The following LPIN1 variants were observed in gnomAD, a reference collection of about 807,000 sequenced individuals.
The protein encoded by LPIN1 is lipin 1.
In LPIN1, 71 loss-of-function variants were observed where a neutral mutation model predicts 107.5. That is an observed-to-expected ratio of 0.66 (90% CI 0.55 to 0.80). The LOEUF is 0.80. Among genes scored for constraint, LPIN1 ranks in the 30% least tolerant of loss-of-function variants. LPIN1 has a pLI of 0.00. For missense variants in LPIN1, 1,043 were observed against 1,160.6 expected, an observed-to-expected ratio of 0.90 and a Z score of 1.47; for synonymous variants, 445 against 452.6, an observed-to-expected ratio of 0.98 and a Z score of 0.21.
At chr2:11,691,371 T>C (rs1662264180) in intron 1 of LPIN1, among the ~76,000 whole-genome samples, 1 of 152,184 alleles carries the variant, frequency 6.6e-6, no homozygotes, top group South Asian at 2.1e-4. Flanking sequence ...CCCTAAGCAG[T>C]AGGGCTGCAG....
At chr2:11,815,297 C>G in intron 18 of LPIN1, 57 bp downstream of exon 18, 1 of 1,600,042 alleles carries the variant, frequency 6.2e-7, no homozygotes, top group Admixed American at 1.7e-5. Flanking sequence ...CCGCTCTCTT[C>G]CTAACTGCAA....
intron 1 of LPIN1, chr2:11,764,062 GT>G (rs1280344988): frequency 1.3e-5 from 1 of 78,706 alleles, no homozygotes; most frequent in African/African-American, 6.4e-5. Flanking sequence ...AAATGTGTGT[GT>G]GTGTGTGTGT....
intron 2 of LPIN1, among the ~76,000 whole-genome samples, chr2:11,717,808 A>G (rs537871349): frequency 6.6e-6 from 1 of 152,232 alleles, no homozygotes; most frequent in South Asian, 2.1e-4. Flanking sequence ...CCAAGCACAG[A>G]GAGGCTGAGT....
upstream of LPIN1, among the ~76,000 whole-genome samples, chr2:11,720,678 C>A (rs143241097): frequency 3.3e-5 from 5 of 152,098 alleles, no homozygotes; most frequent in East Asian, 7.8e-4. Flanking sequence ...GCGGCTTAAG[C>A]TTAGACCTGG....
chr2:11,793,532 C>T (rs1262515494), intron 13 of LPIN1, among the ~76,000 whole-genome samples: 1 of 152,204 alleles, frequency 6.6e-6, no homozygotes, highest in Non-Finnish European at 1.5e-5. Flanking sequence ...TGTTCTAGCT[C>T]CTGCCTGCCT....
chr2:11,763,714 C>T (rs11886664), intron 1 of LPIN1, among the ~76,000 whole-genome samples: 2,782 of 152,108 alleles, frequency 0.018, 82 homozygotes, highest in African/African-American at 0.063. Flanking sequence ...GTTTCGCACT[C>T]TCCATTCTTC....
intron 20 of LPIN1, among the ~76,000 whole-genome samples, chr2:11,821,067 G>T (rs1423987587): frequency 6.6e-6 from 1 of 152,182 alleles, no homozygotes; most frequent in Non-Finnish European, 1.5e-5. Flanking sequence ...TCCCCCTCGG[G>T]TTCCTAACTT....
At chr2:11,789,367 G>A (rs559675221) in intron 12 of LPIN1, among the ~76,000 whole-genome samples, 2 of 152,162 alleles carry the variant, frequency 1.3e-5, no homozygotes, top group African/African-American at 2.4e-5. Flanking sequence ...GTGTGTGTGC[G>A]CATGTATGTG....
At chr2:11,748,370 C>T (rs564702808) in intron 1 of LPIN1, among the ~76,000 whole-genome samples, 4 of 152,222 alleles carry the variant, frequency 2.6e-5, no homozygotes, top group African/African-American at 7.2e-5. Context: ...CTGGGCTTTG[C>T]AGTTGTTGTT....
upstream of LPIN1, among the ~76,000 whole-genome samples, chr2:11,742,981 T>G (rs1449028034): frequency 1.3e-5 from 2 of 152,250 alleles, no homozygotes; most frequent in Non-Finnish European, 2.9e-5. Flanking sequence ...GGTGCCTGCT[T>G]AGGCCACCAA....
chr2:11,791,418 A>G (rs938750312), intron 12 of LPIN1, among the ~76,000 whole-genome samples: 2 of 152,246 alleles, frequency 1.3e-5, no homozygotes, highest in African/African-American at 4.8e-5. Context: ...GAGATTTTAA[A>G]TCAAATGTAC....
chr2:11,719,277 GTGGT>G (rs1663960205), intron 2 of LPIN1, among the ~76,000 whole-genome samples: 1 of 152,076 alleles, frequency 6.6e-6, no homozygotes, highest in South Asian at 2.1e-4. Context: ...CTGGCACTTT[GTGGT>G]TGTTTTTATT....
chr2:11,782,287 C>A lies in LPIN1; in HGVS notation c.1044C>A (p.Ser348Arg). ...AAAGTCACTTTCAGGCCATTCACAG[C>A]GAATCTTCAGACACTTTTAGTGACC... ...CDKSHFQAIHSESSDTFSDQS... is the reference protein window; with the variant it reads ...CDKSHFQAIHRESSDTFSDQS... The change falls in exon 8 of 21, where the codon AGC becomes AGA. Residue 348 changes from serine to arginine, a missense_variant. Physicochemically the swap from Ser to Arg is moderately radical, Grantham distance 110. Transcript: ENST00000674199. 2.5e-6 allele frequency: 4 copies of A among 1,614,142 alleles called. No homozygotes were observed. Among genetic ancestry groups the A allele is most frequent in the Admixed American group, 1.7e-5 (1 of 60,018 alleles).
chr2:11,795,347 G>A (rs903089746), intron 13 of LPIN1, 61 bp from the exon 14 acceptor site: 15 of 1,392,086 alleles, frequency 1.1e-5, no homozygotes, highest in Middle Eastern at 3.6e-4. Context: ...GGAAAACACC[G>A]GCTGTCTGCA....
rs370203538 is a variant in LPIN1 at position 11,774,478 on chromosome 2, C to T, written c.722+733C>T. Among the ~76,000 whole-genome samples the T allele has an allele frequency of 6.6e-5, 10 of 152,292 alleles. No homozygotes were observed. In the East Asian group the frequency reaches 1.3e-3, roughly 21 times the overall value. On this transcript the variant is annotated intron_variant, in intron 5 of 20. Transcript: ENST00000674199. This position sits in a 1 kb window ranked among gnomAD's most constrained non-coding sequence, Gnocchi z 4.4. ...CTCTAAGGGGCCACAGCATTAAAAT[C>T]TCATGGTGGGTGGAGTTGGGCTATT...
rs543811370 is a variant in LPIN1 at position 11,697,446 on chromosome 2, T to A, written c.82-16310T>A. On this transcript the variant is annotated intron_variant, in intron 1 of 21. Coordinates refer to the LPIN1 transcript ENST00000449576. The surrounding 1 kb of genome is among the most constrained non-coding windows in gnomAD (Gnocchi z 4.6). ...TGTGGGGCTGCACCAGGAGCTGTGC[T>A]CGGCTCCTGCTTCTCCCTGGTTTGG... Among the ~76,000 whole-genome samples the A allele has an allele frequency of 9.9e-5, 15 of 152,190 alleles. No homozygotes were observed. The highest frequency in any genetic ancestry group is 9.2e-4 in the Admixed American group (14 of 15,292).
chr2:11,717,658 T>G (rs536415359), intron 2 of LPIN1, among the ~76,000 whole-genome samples: 20 of 152,226 alleles, frequency 1.3e-4, no homozygotes, highest in Admixed American at 1.0e-3. Flanking sequence ...TTAAAAAAAA[T>G]TATTTAGCAA....
At chr2:11,820,617 G>A in intron 20 of LPIN1, 103 bp downstream of exon 20, 1 of 770,120 alleles carries the variant, frequency 1.3e-6, no homozygotes, top group Non-Finnish European at 2.3e-6. Flanking sequence ...CTGCCTATAT[G>A]TTAATCTGTA....
At chr2:11,751,342 C>A (rs1667759820) in intron 1 of LPIN1, among the ~76,000 whole-genome samples, 1 of 152,134 alleles carries the variant, frequency 6.6e-6, no homozygotes, top group Admixed American at 6.5e-5. Context: ...ACTCCCAGTT[C>A]TCTGAGGTTA....
Sources: gnomAD v4.1 joint callset for allele counts (sites outside exome capture counted in the v4.1 genomes callset) on GRCh38, gnomAD v4.1.1 for gene constraint, Gnocchi (gnomAD v3.1) non-coding constraint, MANE v1.5 for transcripts, NCBI Gene and HGNC (gene_info 2026-07-23, HGNC 2026-07-21) for gene names.